UQCC1: variants seen among roughly 807,000 people sequenced by gnomAD.
The protein encoded by UQCC1 is bFGF-repressed Zic-binding protein.
In UQCC1, 38 loss-of-function variants were observed where a neutral mutation model predicts 48.0. That is an observed-to-expected ratio of 0.79 (90% CI 0.61 to 1.04). The LOEUF (loss-of-function observed/expected upper bound fraction) is 1.04. UQCC1 is among the 50% of genes least tolerant of loss of function. UQCC1 has a pLI of 0.00. For synonymous variants in UQCC1, 111 were observed against 129.2 expected (o/e 0.86, Z 0.95); for missense variants, 368 against 381.8 (o/e 0.96, Z 0.30).
chr20:35,333,312 T>C (rs1156525236), intron 7 of UQCC1, among the ~76,000 whole-genome samples: 2 of 152,020 alleles, frequency 1.3e-5, no homozygotes, highest in Non-Finnish European at 2.9e-5. Flanking sequence ...TGGCACAGAG[T>C]TTGGCCCATA....
At chr20:35,354,092 A>AT (rs1476942284) in intron 6 of UQCC1, among the ~76,000 whole-genome samples, 1 of 152,128 alleles carries the variant, frequency 6.6e-6, no homozygotes, top group Non-Finnish European at 1.5e-5. Flanking sequence ...CATCCTAGGT[A>AT]TATAACAGGC....
intron 8 of UQCC1, 147 bp from the exon 9 acceptor site, chr20:35,306,926 T>C: frequency 1.4e-6 from 1 of 704,396 alleles, no homozygotes; most frequent in Non-Finnish European, 2.6e-6. Context: ...AGTCACACAG[T>C]AGAGGTGGAA....
chr20:35,338,893 AT>A (rs1332314577), intron 7 of UQCC1, among the ~76,000 whole-genome samples: 18 of 40,708 alleles, frequency 4.4e-4, no homozygotes, highest in African/African-American at 2.4e-3. Flanking sequence ...AAAAAAAAAA[AT>A]ATATATATAT....
intron 2 of UQCC1, among the ~76,000 whole-genome samples, chr20:35,392,784 T>C (rs2062028631): frequency 6.6e-6 from 1 of 151,820 alleles, no homozygotes; most frequent in Non-Finnish European, 1.5e-5. Flanking sequence ...TGGAGGGAAT[T>C]TTTAAGTAGA....
chr20:35,367,216 A>G (rs747018791), intron 5 of UQCC1, among the ~76,000 whole-genome samples: 12 of 150,706 alleles, frequency 8.0e-5, no homozygotes, highest in Non-Finnish European at 1.8e-4. Context: ...CTCCCCTTTG[A>G]GTCTTGGTTT....
intron 4 of UQCC1, among the ~76,000 whole-genome samples, chr20:35,380,841 G>A (rs1332100106): frequency 1.3e-5 from 2 of 152,172 alleles, no homozygotes; most frequent in African/African-American, 4.8e-5. Flanking sequence ...TTGGATTTGG[G>A]GGGATTTTGG....
At chr20:35,382,490 TTTTC>T (rs2061884165) in intron 3 of UQCC1, among the ~76,000 whole-genome samples, 1 of 150,568 alleles carries the variant, frequency 6.6e-6, no homozygotes, top group African/African-American at 2.4e-5. Context: ...CAATTTTTAA[TTTTC>T]TTTTTTTTTT....
chr20:35,349,034 G>A (rs773175389), intron 6 of UQCC1, among the ~76,000 whole-genome samples: 1 of 152,172 alleles, frequency 6.6e-6, no homozygotes. Context: ...GACAATTCCT[G>A]TTATAATTAT....
chr20:35,351,910 T>C (rs539198748), intron 6 of UQCC1, among the ~76,000 whole-genome samples: 2 of 152,330 alleles, frequency 1.3e-5, no homozygotes, highest in East Asian at 1.9e-4. Flanking sequence ...GGAGTTCCTA[T>C]TGTGTGAAGG....
intron 4 of UQCC1, among the ~76,000 whole-genome samples, chr20:35,379,043 G>A (rs947110078): frequency 5.3e-5 from 8 of 152,152 alleles, no homozygotes; most frequent in Admixed American, 4.6e-4. Context: ...GTGTCCTTCA[G>A]AATAGGAATA....
intron 6 of UQCC1, among the ~76,000 whole-genome samples, chr20:35,357,332 C>G (rs1377480270): frequency 6.6e-6 from 1 of 152,020 alleles, no homozygotes; most frequent in Non-Finnish European, 1.5e-5. Context: ...ACCAGCTTGA[C>G]CAACATGGTG....
intron 7 of UQCC1, among the ~76,000 whole-genome samples, chr20:35,337,881 C>T (rs758873622): frequency 3.9e-5 from 6 of 152,050 alleles, no homozygotes; most frequent in Non-Finnish European, 7.4e-5. Context: ...TCACCAGACC[C>T]CTCCCCGTCA....
rs372831141 is a variant in UQCC1, at chr20:35,384,008, A to G, written c.225+30T>C. On this transcript the variant is annotated intron_variant, in intron 3 of 9. Transcript: ENST00000374385. ...AAGAACACCTGTGTGAAAGCACTCT[A>G]TAAACACAGAATGCACTGATAATTC... The G allele has an allele frequency of 1.9e-5, 30 of 1,583,908 alleles. No homozygotes were observed. In the African/African-American group the frequency reaches 3.2e-4, roughly 17 times the overall value.
chr20:35,388,571 C>T (rs897463512), intron 2 of UQCC1, among the ~76,000 whole-genome samples: 21 of 152,082 alleles, frequency 1.4e-4, no homozygotes, highest in Admixed American at 6.6e-4. Flanking sequence ...AGCCACTGTG[C>T]CCGGACTATT....
chr20:35,395,015 C>T (rs1156402051), intron 1 of UQCC1, among the ~76,000 whole-genome samples: 2 of 152,196 alleles, frequency 1.3e-5, no homozygotes, highest in African/African-American at 4.8e-5. Context: ...ACCTCAGGAA[C>T]AGCCAAATGG....
chr20:35,409,654 C>T (rs192894172), intron 1 of UQCC1, among the ~76,000 whole-genome samples: 1 of 152,126 alleles, frequency 6.6e-6, no homozygotes, highest in Admixed American at 6.6e-5. Flanking sequence ...TTCCACTGAT[C>T]AAATGTCCAG....
intron 7 of UQCC1, among the ~76,000 whole-genome samples, chr20:35,338,892 A>AAAAAAAAAAAT (rs1555805500): frequency 6.5e-5 from 2 of 30,566 alleles, no homozygotes; most frequent in Non-Finnish European, 9.5e-5. Context: ...AAAAAAAAAA[A>AAAAAAAAAAAT]ATATATATAT....
intron 4 of UQCC1, among the ~76,000 whole-genome samples, chr20:35,375,990 G>A (rs73109575): frequency 0.042 from 5,999 of 143,548 alleles, 187 homozygotes; most frequent in Middle Eastern, 0.11. Flanking sequence ...AGCCAAAGCC[G>A]TTTCTTTAAA....
rs530256385 is a variant in UQCC1, at chr20:35,406,833, C to T, written c.24+5107G>A. Among the ~76,000 whole-genome samples, 3 of 152,182 alleles carry T rather than the reference C, an allele frequency of 2.0e-5. No individual in the cohort carries two copies. In the South Asian group the frequency reaches 6.2e-4, roughly 32 times the overall value. On this transcript the variant is annotated intron_variant, in intron 1 of 9. Transcript: ENST00000374385. ...AGATGTAATTTAGATGACAATAACA[C>T]AATGTTCGGGAAGGAACAGAGCTAT... is the stretch of plus-strand genomic sequence containing the variant.
Sources: gnomAD v4.1 joint callset for allele counts (sites outside exome capture counted in the v4.1 genomes callset) on GRCh38, gnomAD v4.1.1 for gene constraint, MANE v1.5 for transcripts, NCBI Gene and HGNC (gene_info 2026-07-23, HGNC 2026-07-21) for gene names.